DGKB: variants seen among roughly 807,000 people sequenced by gnomAD.
DGKB encodes the protein diacylglycerol kinase beta.
Under a neutral mutation model 114.3 loss-of-function variants are expected in DGKB, and 67 were observed. That is an observed-to-expected ratio of 0.59 (90% confidence interval 0.48 to 0.72). The LOEUF is 0.72. DGKB is among the 30% of genes least tolerant of loss of function. DGKB has a pLI of 0.00. For synonymous variants in DGKB, 398 were observed against 323.1 expected (o/e 1.23, Z -2.49); for missense variants, 907 against 975.2 (o/e 0.93, Z 0.93).
intron 21 of DGKB, among the ~76,000 whole-genome samples, chr7:14,410,591 G>GAATA (rs1824700865): frequency 1.3e-5 from 2 of 152,022 alleles, no homozygotes; most frequent in African/African-American, 4.8e-5. Context: ...AGGTATGACT[G>GAATA]AATAAATCTG....
At chr7:14,852,487 C>CAAAAAAAAAAACAACAACAAAA in intron 1 of DGKB, among the ~76,000 whole-genome samples, 9 of 63,636 alleles carry the variant, frequency 1.4e-4, no homozygotes, top group African/African-American at 5.4e-4. Flanking sequence ...TAGTGAAAGT[C>CAAAAAAAAAAACAACAACAAAA]AAAAAAAAAA....
At chr7:14,191,739 T>C (rs1784350597) in intron 23 of DGKB, 1 of 347,408 alleles carries the variant, frequency 2.9e-6, no homozygotes, top group Middle Eastern at 1.1e-3. Context: ...TGTGCCAACA[T>C]TGCTGATGAC....
intron 25 of DGKB, among the ~76,000 whole-genome samples, chr7:14,161,861 A>AAAT (rs1228988755): frequency 6.6e-6 from 1 of 152,170 alleles, no homozygotes; most frequent in Non-Finnish European, 1.5e-5. Flanking sequence ...TCCTCCAAAG[A>AAAT]AATATATGCA....
At chr7:14,606,820 G>T (rs1156943583) in intron 17 of DGKB, among the ~76,000 whole-genome samples, 1 of 151,938 alleles carries the variant, frequency 6.6e-6, no homozygotes, top group African/African-American at 2.4e-5. Flanking sequence ...GATCTTACCT[G>T]TTAACAATGA....
chr7:14,546,679 GA>G (rs1475462085), intron 20 of DGKB, among the ~76,000 whole-genome samples: 1 of 152,180 alleles, frequency 6.6e-6, no homozygotes, highest in Non-Finnish European at 1.5e-5. Flanking sequence ...AGTGGAAAGA[GA>G]AATTGAATCC....
Position 14,914,109 on chromosome 7 carries a change from T to C in DGKB, c.-188+60587A>G, listed in dbSNP as rs1784122991. Among the ~76,000 whole-genome samples the C allele has an allele frequency of 3.3e-5, 5 of 152,164 alleles. 1 individual carries two copies. Among genetic ancestry groups the C allele is most frequent in the Admixed American group, 3.3e-4 (5 of 15,270 alleles). ...ATATCACAGGGGAAATTAATGATTT[T>C]GAAATAAGTCCATAGTATTTATAAT... On this transcript the variant is annotated intron_variant, in intron 1 of 4. Transcript: ENST00000437998.
At chr7:14,795,598 G>C (rs1258715607) in intron 2 of DGKB, among the ~76,000 whole-genome samples, 1 of 152,160 alleles carries the variant, frequency 6.6e-6, no homozygotes, top group African/African-American at 2.4e-5. Context: ...AGTGGGAACT[G>C]TAGTCACTGC....
chr7:14,834,328 A>G (rs1020697246), intron 2 of DGKB, among the ~76,000 whole-genome samples: 3 of 152,152 alleles, frequency 2.0e-5, no homozygotes, highest in African/African-American at 7.2e-5. Flanking sequence ...TCCCAAGGTA[A>G]ATGGTAGGTT....
At chr7:14,427,854 A>G (rs1285233633) in intron 21 of DGKB, among the ~76,000 whole-genome samples, 5 of 152,278 alleles carry the variant, frequency 3.3e-5, no homozygotes. Context: ...GGGTGGGGAC[A>G]CAACCATACC....
intron 21 of DGKB, among the ~76,000 whole-genome samples, chr7:14,408,832 G>A (rs1824374389): frequency 6.6e-6 from 1 of 151,636 alleles, no homozygotes; most frequent in Non-Finnish European, 1.5e-5. Flanking sequence ...GAAGATTTGG[G>A]ACAATTTGAA....
chr7:14,598,425 G>T (rs1189221495), intron 17 of DGKB, among the ~76,000 whole-genome samples: 1 of 152,184 alleles, frequency 6.6e-6, no homozygotes. Context: ...GGGACTTTCT[G>T]CATACTAAAT....
At chr7:14,600,374 T>C (rs1356422605) in intron 17 of DGKB, among the ~76,000 whole-genome samples, 1 of 152,216 alleles carries the variant, frequency 6.6e-6, no homozygotes, top group Non-Finnish European at 1.5e-5. Context: ...CATAGCATTC[T>C]GCCTCTGCTC....
At chr7:14,663,305 T>C (rs1490485499) in intron 13 of DGKB, among the ~76,000 whole-genome samples, 2 of 152,040 alleles carry the variant, frequency 1.3e-5, no homozygotes, top group Non-Finnish European at 2.9e-5. Flanking sequence ...TAAGTAATGA[T>C]GGTGAGTGCA....
intron 13 of DGKB, among the ~76,000 whole-genome samples, chr7:14,643,588 G>C (rs1812273080): frequency 6.6e-6 from 1 of 152,066 alleles, no homozygotes; most frequent in African/African-American, 2.4e-5. Flanking sequence ...CAGCATCTGA[G>C]CCCATGTAGC....
intron 23 of DGKB, among the ~76,000 whole-genome samples, chr7:14,249,240 G>T (rs1264510156): frequency 6.6e-6 from 1 of 152,032 alleles, no homozygotes; most frequent in Non-Finnish European, 1.5e-5. Context: ...GCTGAATTTG[G>T]TTTGCTAGTA....
intron 21 of DGKB, among the ~76,000 whole-genome samples, chr7:14,423,713 CAAT>C (rs1420809492): frequency 2.0e-5 from 3 of 152,102 alleles, no homozygotes; most frequent in African/African-American, 7.2e-5. Flanking sequence ...ATATTTCACT[CAAT>C]GATGACTGCA....
chr7:14,208,495 G>A (rs1456809408), intron 23 of DGKB, among the ~76,000 whole-genome samples: 2 of 151,916 alleles, frequency 1.3e-5, no homozygotes, highest in Admixed American at 1.3e-4. Flanking sequence ...CCCTTTTGCT[G>A]GGTTGCAAGG....
intron 23 of DGKB, among the ~76,000 whole-genome samples, chr7:14,220,113 C>T (rs895194044): frequency 6.6e-6 from 1 of 151,638 alleles, no homozygotes; most frequent in African/African-American, 2.4e-5. Flanking sequence ...GGCTACAAAA[C>T]TGTACAGCAT....
chr7:14,198,046 T>A (rs535936434), intron 23 of DGKB, among the ~76,000 whole-genome samples: 69 of 152,214 alleles, frequency 4.5e-4, no homozygotes, highest in African/African-American at 1.6e-3. Flanking sequence ...GTTTCAGAGT[T>A]GACCTTCACA....
Sources: gnomAD v4.1 joint callset for allele counts (sites outside exome capture counted in the v4.1 genomes callset) on GRCh38, gnomAD v4.1.1 for gene constraint, MANE v1.5 for transcripts, NCBI Gene and HGNC (gene_info 2026-07-23, HGNC 2026-07-21) for gene names.